Variants in PIP5K1B observed in about 807,000 individuals in gnomAD.
The protein encoded by PIP5K1B is phosphatidylinositol 4-phosphate 5-kinase type-1 beta.
PIP5K1B carries 42 observed loss-of-function variants against 67.0 expected under a neutral mutation model. The ratio of observed to expected loss-of-function variants is 0.63; its 90% confidence interval spans 0.49 to 0.81. The LOEUF (loss-of-function observed/expected upper bound fraction) is 0.81. PIP5K1B is among the 30% of genes least tolerant of loss of function. The pLI is 0.00. For synonymous variants in PIP5K1B, 214 were observed against 231.4 expected (o/e 0.92, Z 0.68); for missense variants, 459 against 646.3 (o/e 0.71, Z 3.14).
chr9:68,924,183 C>T (rs1826557278), intron 12 of PIP5K1B, among the ~76,000 whole-genome samples: 1 of 150,022 alleles, frequency 6.7e-6, no homozygotes, highest in Admixed American at 6.6e-5. Context: ...GGGCAGATCA[C>T]TTGAAGTCAG....
intron 4 of PIP5K1B, among the ~76,000 whole-genome samples, chr9:68,852,704 G>A (rs764444959): frequency 9.2e-5 from 14 of 152,266 alleles, no homozygotes; most frequent in Middle Eastern, 6.8e-3. Context: ...GTAGGAAGAA[G>A]TGGATATTCT....
At chr9:68,780,038 C>T in intron 2 of PIP5K1B, 1 of 1,289,982 alleles carries the variant, frequency 7.8e-7, no homozygotes, top group East Asian at 2.7e-5. Context: ...AAGGGCTACG[C>T]ATGCGCAGAG....
intron 4 of PIP5K1B, among the ~76,000 whole-genome samples, chr9:68,823,469 C>T (rs1277394007): frequency 1.3e-5 from 2 of 152,148 alleles, no homozygotes; most frequent in African/African-American, 4.8e-5. Flanking sequence ...ATGTGAGATG[C>T]TCCTCTTCCC....
intron 15 of PIP5K1B, among the ~76,000 whole-genome samples, chr9:69,007,640 T>G (rs190741114): frequency 0.014 from 2,078 of 152,202 alleles, 35 homozygotes; most frequent in African/African-American, 0.04. Context: ...GGCGGATCAC[T>G]AGGTCAGGAG....
intron 8 of PIP5K1B, among the ~76,000 whole-genome samples, chr9:68,902,680 C>G (rs7859396): frequency 0.067 from 10,146 of 152,238 alleles, 706 homozygotes; most frequent in African/African-American, 0.18. Flanking sequence ...TTTTAAGAAA[C>G]TGCCATACTC....
chr9:68,731,760 A>T (rs1409307811), intron 1 of PIP5K1B, among the ~76,000 whole-genome samples: 1 of 152,172 alleles, frequency 6.6e-6, no homozygotes, highest in Non-Finnish European at 1.5e-5. Context: ...GGTTTGTATA[A>T]CCCAAATTTG....
In PIP5K1B at chr9:68,919,642, A is replaced by AT. The variant is rs770827540; in HGVS notation, c.1068-35dup. 2.1e-6 allele frequency: 3 copies of AT among 1,427,670 alleles called. No homozygotes were observed. In the East Asian group the frequency reaches 6.8e-5, roughly 33 times the overall value. The allele number at this position is 1,427,670 out of a possible 1,614,324, so 88.4% of individuals were successfully genotyped here. A position where few individuals can be genotyped will look rare whatever the true frequency, so the allele number is the denominator to read the frequency against. Reference sequence around the variant, plus strand: ...TCTGAAAAATCACCAAATGAGAGTGATTTTACATTCTCATTTCAATTTTTC... The same window carrying AT: ...TCTGAAAAATCACCAAATGAGAGTGATTTTTACATTCTCATTTCAATTTTTC... On this transcript the variant is annotated intron_variant, in intron 10 of 15. Transcript: ENST00000265382.
chr9:68,769,049 TAAA>T (rs1830563785), intron 2 of PIP5K1B, among the ~76,000 whole-genome samples: 1 of 152,256 alleles, frequency 6.6e-6, no homozygotes, highest in East Asian at 1.9e-4. Flanking sequence ...TTTGCCTCAG[TAAA>T]TGTACAACTT....
At chr9:68,778,070 C>T (rs1430434238) in intron 2 of PIP5K1B, among the ~76,000 whole-genome samples, 4 of 151,892 alleles carry the variant, frequency 2.6e-5, no homozygotes, top group African/African-American at 4.8e-5. Context: ...TTTGTTTCGT[C>T]TCAGAATTAG....
intron 2 of PIP5K1B, among the ~76,000 whole-genome samples, chr9:68,745,819 C>T (rs919893599): frequency 2.0e-5 from 3 of 152,290 alleles, no homozygotes; most frequent in Non-Finnish European, 2.9e-5. Context: ...TCTGTTACCG[C>T]AATTCCCTTT....
chr9:68,734,478 A>G (rs542928343), intron 1 of PIP5K1B, among the ~76,000 whole-genome samples: 1 of 152,242 alleles, frequency 6.6e-6, no homozygotes, highest in Non-Finnish European at 1.5e-5. Flanking sequence ...TACGTCCAAC[A>G]TATCTCTACT....
At chr9:68,886,288 C>G (rs1824467867) in intron 6 of PIP5K1B, among the ~76,000 whole-genome samples, 1 of 152,134 alleles carries the variant, frequency 6.6e-6, no homozygotes. Context: ...TCTCTGCCAC[C>G]CAGTGTTTCT....
rs11143540 is a variant in PIP5K1B, at chr9:68,720,386, T to A, written c.-243+14624T>A. Among the ~76,000 whole-genome samples the A allele has an allele frequency of 5.9e-3, 897 of 152,326 alleles. 8 individuals carry two copies. Among genetic ancestry groups the A allele is most frequent in the African/African-American group, 0.02 (844 of 41,566 alleles). ...CATGGTCTCTTTGCTACTCAGCTGA[T>A]TTTTTGATCCCAACTCTTACCTCTT... On this transcript the variant is annotated intron_variant, in intron 1 of 15. Coordinates refer to ENST00000265382, the MANE Select transcript of PIP5K1B (RefSeq NM_003558.4).
chr9:68,769,032 T>G (rs1231758487), intron 2 of PIP5K1B, among the ~76,000 whole-genome samples: 1 of 152,244 alleles, frequency 6.6e-6, no homozygotes, highest in Admixed American at 6.5e-5. Flanking sequence ...GAACAAATGA[T>G]GAAGTGTTTG....
intron 11 of PIP5K1B, among the ~76,000 whole-genome samples, chr9:68,921,797 G>C (rs1255003101): frequency 6.6e-6 from 1 of 152,328 alleles, no homozygotes; most frequent in East Asian, 1.9e-4. Flanking sequence ...GTTGCAGTGA[G>C]CCAAGATCGT....
intron 11 of PIP5K1B, among the ~76,000 whole-genome samples, chr9:68,920,634 C>T (rs959334145): frequency 6.6e-6 from 1 of 151,892 alleles, no homozygotes; most frequent in African/African-American, 2.4e-5. Flanking sequence ...TCCCAAAGTG[C>T]AGGGATTACA....
At chr9:68,978,166 C>A (rs1587750709) in intron 14 of PIP5K1B, among the ~76,000 whole-genome samples, 1 of 152,142 alleles carries the variant, frequency 6.6e-6, no homozygotes, top group African/African-American at 2.4e-5. Context: ...AAGATCAACT[C>A]TTCTAGCAAA....
At chr9:68,982,677 G>A (rs866164896) in intron 14 of PIP5K1B, among the ~76,000 whole-genome samples, 6 of 151,942 alleles carry the variant, frequency 3.9e-5, no homozygotes, top group South Asian at 4.2e-4. Flanking sequence ...CAGGAGAATC[G>A]CTTAAGCCCG....
At chr9:68,831,582 A>G (rs1407930946) in intron 4 of PIP5K1B, among the ~76,000 whole-genome samples, 1 of 152,236 alleles carries the variant, frequency 6.6e-6, no homozygotes, top group African/African-American at 2.4e-5. Context: ...AGTGCTGCTC[A>G]AGACATTAAA....
Sources: gnomAD v4.1 joint callset for allele counts (sites outside exome capture counted in the v4.1 genomes callset) on GRCh38, gnomAD v4.1.1 for gene constraint, MANE v1.5 for transcripts, NCBI Gene and HGNC (gene_info 2026-07-23, HGNC 2026-07-21) for gene names.